RUNX1: variants seen among roughly 807,000 people sequenced by gnomAD.
RUNX1 encodes the protein runt-related transcription factor 1.
RUNX1 carries 19 observed loss-of-function variants against 42.8 expected under a neutral mutation model. That is an observed-to-expected ratio of 0.44 (90% CI 0.31 to 0.65). RUNX1 has a LOEUF of 0.65. Ranked by LOEUF, RUNX1 falls within the 30% of genes least tolerant of loss-of-function variation. The pLI is 0.07. For missense variants in RUNX1, 528 were observed against 672.0 expected (o/e 0.79, Z 2.37); for synonymous variants, 271 against 289.4 (o/e 0.94, Z 0.64).
chr21:34,839,707 C>T (rs2057204335), intron 6 of RUNX1, among the ~76,000 whole-genome samples: 1 of 152,060 alleles, frequency 6.6e-6, no homozygotes, highest in Non-Finnish European at 1.5e-5. Flanking sequence ...GGGTGAAGGG[C>T]CTGAGAATTT....
rs767741571 is a variant in RUNX1 at position 34,791,130 on chromosome 21, C to T, written c.*1005G>A. On this transcript the variant is annotated 3_prime_UTR_variant, in exon 9 of 9. Transcript: ENST00000675419. Reference sequence around the variant, plus strand: ...AAAAATCCTATTAAAAACGTTGCTGCGTGAGCTACTCACTTGTTTGATTAA... The same window carrying T: ...AAAAATCCTATTAAAAACGTTGCTGTGTGAGCTACTCACTTGTTTGATTAA... 1 of 233,502 alleles carries T rather than the reference C, an allele frequency of 4.3e-6. No homozygotes were observed. Among genetic ancestry groups the T allele is most frequent in the Non-Finnish European group, 8.5e-6 (1 of 117,966 alleles). The allele number at this position is 233,502 out of a possible 1,614,324, so 14.5% of individuals were successfully genotyped here.
At chr21:34,979,734 T>C (rs987936574) in intron 2 of RUNX1, among the ~76,000 whole-genome samples, 1 of 152,242 alleles carries the variant, frequency 6.6e-6, no homozygotes, top group African/African-American at 2.4e-5. Context: ...CGGTTTTAAG[T>C]GCATTAGATA....
rs878854467 is a variant in RUNX1, at chr21:34,886,962, T to G, written c.232A>C (p.Met78Leu). 1 of 1,611,650 alleles carries G rather than the reference T, an allele frequency of 6.2e-7. No individual in the cohort carries two copies. Among genetic ancestry groups the G allele is most frequent in the Non-Finnish European group, 8.5e-7 (1 of 1,179,470 alleles). ...AGKLRSGDRS[M>L]VEVLADHPGE... Reference sequence around the variant, plus strand: ...GGGTGGTCGGCCAGCACCTCCACCATGCTGCGGTCGCCGCTCCTCAGCTTG... The same window carrying G: ...GGGTGGTCGGCCAGCACCTCCACCAGGCTGCGGTCGCCGCTCCTCAGCTTG... Residue 78 changes from methionine (M) to leucine (L), a missense_variant, in exon 4 of 9, where the codon ATG (methionine) becomes CTG (leucine). Met to Leu is a conservative substitution (Grantham distance 15). Transcript: ENST00000675419.
At chr21:34,955,726 A>C (rs1470591191) in intron 2 of RUNX1, among the ~76,000 whole-genome samples, 1 of 152,230 alleles carries the variant, frequency 6.6e-6, no homozygotes, top group African/African-American at 2.4e-5. Flanking sequence ...ATGAGCATAT[A>C]AAATTGTGGT....
intron 6 of RUNX1, among the ~76,000 whole-genome samples, chr21:34,853,332 T>A (rs1438252700): frequency 2.0e-5 from 3 of 152,130 alleles, no homozygotes; most frequent in African/African-American, 7.2e-5. Context: ...AAAAAAATGA[T>A]GAATGCCAAA....
At chr21:34,793,746 A>C (rs925310019) in intron 8 of RUNX1, among the ~76,000 whole-genome samples, 1 of 151,548 alleles carries the variant, frequency 6.6e-6, no homozygotes, top group African/African-American at 2.4e-5. Flanking sequence ...CTCTGTCACC[A>C]AGGCTGGAGT....
intron 2 of RUNX1, among the ~76,000 whole-genome samples, chr21:35,017,639 C>A (rs974731741): frequency 6.6e-6 from 1 of 152,106 alleles, no homozygotes; most frequent in African/African-American, 2.4e-5. Flanking sequence ...GAGCAGGGAA[C>A]GTGGGAACTC....
At chr21:34,977,540 T>C (rs1361835231) in intron 2 of RUNX1, among the ~76,000 whole-genome samples, 1 of 152,230 alleles carries the variant, frequency 6.6e-6, no homozygotes, top group Non-Finnish European at 1.5e-5. Flanking sequence ...TTTTAACCTA[T>C]TACTACCTGC....
intron 2 of RUNX1, among the ~76,000 whole-genome samples, chr21:34,955,711 C>T (rs373192055): frequency 2.0e-5 from 3 of 152,138 alleles, no homozygotes; most frequent in East Asian, 1.9e-4. Flanking sequence ...GATGGAAATG[C>T]GTTAATGAGC....
At chr21:34,897,688 T>A (rs1410212211) in intron 2 of RUNX1, among the ~76,000 whole-genome samples, 1 of 152,208 alleles carries the variant, frequency 6.6e-6, no homozygotes, top group African/African-American at 2.4e-5. Context: ...ACTCTTGACC[T>A]CTTTTTACAC....
intron 3 of RUNX1, among the ~76,000 whole-genome samples, chr21:34,890,232 G>A (rs749814607): frequency 7.2e-5 from 11 of 151,948 alleles, no homozygotes; most frequent in Non-Finnish European, 1.0e-4. Context: ...GCCCTCCCTG[G>A]ACGCCGCGCG....
chr21:35,027,707 A>T (rs1223177798), intron 2 of RUNX1, among the ~76,000 whole-genome samples: 1 of 152,182 alleles, frequency 6.6e-6, no homozygotes, highest in Non-Finnish European at 1.5e-5. Context: ...GAAGGGTGGG[A>T]TGTGGCAAAT....
intron 2 of RUNX1, among the ~76,000 whole-genome samples, chr21:34,971,624 C>G (rs1042781380): frequency 1.3e-5 from 2 of 151,942 alleles, no homozygotes; most frequent in African/African-American, 4.8e-5. Flanking sequence ...AAGTCTTTGT[C>G]AAAGAAGGAA....
At chr21:34,949,291 C>A (rs1261543629) in intron 2 of RUNX1, among the ~76,000 whole-genome samples, 1 of 152,236 alleles carries the variant, frequency 6.6e-6, no homozygotes, top group Non-Finnish European at 1.5e-5. Flanking sequence ...TAGCCCACTT[C>A]TGAGGCTTAC....
intron 2 of RUNX1, among the ~76,000 whole-genome samples, chr21:34,967,350 A>AAAAAAAAAAAAAAAAAAAAG (rs2058728290): frequency 2.8e-5 from 4 of 143,072 alleles, no homozygotes; most frequent in Non-Finnish European, 3.0e-5. Flanking sequence ...AAAAAAAAAA[A>AAAAAAAAAAAAAAAAAAAAG]AAGAAGAATA....
intron 2 of RUNX1, among the ~76,000 whole-genome samples, chr21:34,968,802 A>C (rs1382160675): frequency 6.6e-6 from 1 of 152,172 alleles, no homozygotes; most frequent in Non-Finnish European, 1.5e-5. Flanking sequence ...GTGATTTGAA[A>C]GAATGATGCT....
intron 2 of RUNX1, among the ~76,000 whole-genome samples, chr21:35,047,751 T>C (rs1041455379): frequency 5.3e-5 from 8 of 152,110 alleles, no homozygotes; most frequent in Admixed American, 6.6e-5. Flanking sequence ...ATTTGGGTGC[T>C]CAAGAGAGTT....
At chr21:34,885,745 T>C (rs2057974907) in intron 4 of RUNX1, among the ~76,000 whole-genome samples, 1 of 152,202 alleles carries the variant, frequency 6.6e-6, no homozygotes, top group Non-Finnish European at 1.5e-5. Context: ...GGGACAATTA[T>C]TTAAACTTTT....
chr21:34,863,679 C>G (rs566169864), intron 5 of RUNX1, among the ~76,000 whole-genome samples: 3 of 151,696 alleles, frequency 2.0e-5, no homozygotes, highest in African/African-American at 7.3e-5. Flanking sequence ...CTCAGCCTCC[C>G]GAGTAGCTGG....
Sources: gnomAD v4.1 joint callset for allele counts (sites outside exome capture counted in the v4.1 genomes callset) on GRCh38, gnomAD v4.1.1 for gene constraint, MANE v1.5 for transcripts, NCBI Gene and HGNC (gene_info 2026-07-23, HGNC 2026-07-21) for gene names.